The following SPOCK1 variants were observed in gnomAD, a reference collection of about 807,000 sequenced individuals.
SPOCK1 encodes testican-1.
In SPOCK1, 23 loss-of-function variants were observed where a neutral mutation model predicts 55.3. The ratio of observed to expected loss-of-function variants is 0.42; its 90% confidence interval spans 0.30 to 0.59. The LOEUF (loss-of-function observed/expected upper bound fraction) is 0.59. Among genes scored for constraint, SPOCK1 ranks in the 20% least tolerant of loss-of-function variants. The pLI is 0.22. For missense variants in SPOCK1, 499 were observed against 552.5 expected (o/e 0.90, Z 0.97); for synonymous variants, 226 against 221.0 (o/e 1.02, Z -0.20).
At chr5:137,007,518 C>T (rs191158443) in intron 6 of SPOCK1, among the ~76,000 whole-genome samples, 8 of 152,214 alleles carry the variant, frequency 5.3e-5, no homozygotes, top group Admixed American at 2.0e-4. Flanking sequence ...ACATTTATGT[C>T]GCCAAGCAAC....
At chr5:137,301,475 T>A (rs1757588020) in intron 2 of SPOCK1, among the ~76,000 whole-genome samples, 1 of 152,110 alleles carries the variant, frequency 6.6e-6, no homozygotes, top group South Asian at 2.1e-4. Context: ...CAGCTCCATA[T>A]AAACCTTCCT....
intron 6 of SPOCK1, among the ~76,000 whole-genome samples, chr5:137,005,768 A>G (rs931971384): frequency 1.3e-5 from 2 of 152,128 alleles, no homozygotes; most frequent in Non-Finnish European, 2.9e-5. Context: ...AGAAGAGACA[A>G]AGGAAACCCT....
intron 3 of SPOCK1, among the ~76,000 whole-genome samples, chr5:137,247,518 CAT>C (rs1336092020): frequency 1.3e-5 from 2 of 152,210 alleles, no homozygotes; most frequent in Non-Finnish European, 2.9e-5. Context: ...GTGCAGAAAA[CAT>C]AACATATATC....
chr5:137,486,569 G>A (rs1754060135), intron 2 of SPOCK1, among the ~76,000 whole-genome samples: 1 of 152,220 alleles, frequency 6.6e-6, no homozygotes, highest in Admixed American at 6.5e-5. Context: ...AGCCTGGTCA[G>A]TAAGTATCTT....
intron 3 of SPOCK1, among the ~76,000 whole-genome samples, chr5:137,143,325 C>A (rs183151412): frequency 4.1e-4 from 62 of 152,314 alleles, no homozygotes; most frequent in Non-Finnish European, 6.8e-4. Flanking sequence ...GCCTCTGTAT[C>A]CAACTTTGTT....
intron 2 of SPOCK1, among the ~76,000 whole-genome samples, chr5:137,274,956 C>CTGAAAGGT (rs1757033838): frequency 6.6e-6 from 1 of 152,184 alleles, no homozygotes; most frequent in African/African-American, 2.4e-5. Flanking sequence ...TTTTAAACCA[C>CTGAAAGGT]TGAAAGGTAT....
At chr5:137,331,788 C>T (rs913799409) in intron 2 of SPOCK1, among the ~76,000 whole-genome samples, 5 of 152,224 alleles carry the variant, frequency 3.3e-5, no homozygotes, top group Admixed American at 6.5e-5. Context: ...TCCCACCAGG[C>T]CCCATCTCCA....
chr5:136,981,022 G>A (rs1431589800), intron 9 of SPOCK1, among the ~76,000 whole-genome samples: 2 of 152,154 alleles, frequency 1.3e-5, no homozygotes, highest in Admixed American at 1.3e-4. Flanking sequence ...TTTCATAATT[G>A]TTATAAATTG....
intron 6 of SPOCK1, chr5:136,993,119 C>G (rs538310883): frequency 6.6e-6 from 1 of 152,544 alleles, no homozygotes; most frequent in Non-Finnish European, 1.5e-5. Context: ...ATTTTGCTAG[C>G]CTTCCAGTGG....
intron 2 of SPOCK1, among the ~76,000 whole-genome samples, chr5:137,404,268 C>T (rs1261775171): frequency 1.3e-5 from 2 of 152,234 alleles, no homozygotes; most frequent in Non-Finnish European, 2.9e-5. Flanking sequence ...CGACAGCCAA[C>T]TGTCTCCAAA....
At chr5:137,093,340 A>G (rs933592530) in intron 5 of SPOCK1, among the ~76,000 whole-genome samples, 7 of 152,224 alleles carry the variant, frequency 4.6e-5, no homozygotes, top group African/African-American at 1.4e-4. Context: ...ATTCTGGACT[A>G]AAATAAATCC....
At chr5:137,284,474 C>T (rs1757227378) in intron 2 of SPOCK1, among the ~76,000 whole-genome samples, 1 of 152,088 alleles carries the variant, frequency 6.6e-6, no homozygotes, top group African/African-American at 2.4e-5. Context: ...CATGAGTGAA[C>T]ACAGGATTTA....
intron 3 of SPOCK1, among the ~76,000 whole-genome samples, chr5:137,215,860 G>A (rs1755707551): frequency 6.6e-6 from 1 of 152,188 alleles, no homozygotes; most frequent in South Asian, 2.1e-4. Context: ...TTCTATGCCA[G>A]TTAAAGTTCT....
At chr5:137,232,664 G>C (rs1407134881) in intron 3 of SPOCK1, among the ~76,000 whole-genome samples, 3 of 152,134 alleles carry the variant, frequency 2.0e-5, no homozygotes, top group Admixed American at 2.0e-4. Context: ...AGCTATTCTA[G>C]GGCCTGTGCC....
intron 3 of SPOCK1, among the ~76,000 whole-genome samples, chr5:137,236,172 T>C (rs934201414): frequency 1.1e-4 from 17 of 152,264 alleles, no homozygotes; most frequent in African/African-American, 3.9e-4. Context: ...CATGACTATC[T>C]GGCCTGTCCT....
chr5:137,251,552 C>T (rs1346897653), intron 3 of SPOCK1, among the ~76,000 whole-genome samples: 7 of 152,152 alleles, frequency 4.6e-5, no homozygotes, highest in Non-Finnish European at 8.8e-5. Context: ...GCTGATGCTC[C>T]GATTTGACAG....
chr5:137,369,721 G>A (rs11739868), intron 2 of SPOCK1, among the ~76,000 whole-genome samples: 19,443 of 152,206 alleles, frequency 0.13, 1,558 homozygotes, highest in East Asian at 0.27. Context: ...ATTCAGTTCC[G>A]TGGTGAAGGC....
intron 2 of SPOCK1, among the ~76,000 whole-genome samples, chr5:137,361,602 A>G (rs1384190651): frequency 6.6e-6 from 1 of 152,256 alleles, no homozygotes; most frequent in Non-Finnish European, 1.5e-5. Context: ...GTAAACATTT[A>G]CACACGATTA....
At chr5:137,456,756 C>T (rs1003982065) in intron 2 of SPOCK1, among the ~76,000 whole-genome samples, 5 of 152,042 alleles carry the variant, frequency 3.3e-5, no homozygotes, top group East Asian at 1.9e-4. Context: ...TAATGGATAC[C>T]GTGGTAGACT....
Sources: allele counts gnomAD v4.1 joint callset (sites outside exome capture counted in the v4.1 genomes callset), GRCh38; gene constraint gnomAD v4.1.1; transcripts MANE v1.5; gene names NCBI Gene and HGNC (gene_info 2026-07-23, HGNC 2026-07-21).